Variants in NAV1 observed in about 807,000 individuals in gnomAD.
NAV1 encodes the protein pore membrane and/or filament interacting like protein 3.
In NAV1, 18 loss-of-function variants were observed where a neutral mutation model predicts 175.2. The observed-to-expected ratio is 0.10, with a 90% CI of 0.07 to 0.15. The LOEUF (loss-of-function observed/expected upper bound fraction) is 0.15, where lower values mean the gene tolerates loss of function less well. NAV1 is among the 10% of genes least tolerant of loss of function. The pLI is 1.00. For missense variants in NAV1, 1,731 were observed against 2,436.6 expected (o/e 0.71, Z 6.10); for synonymous variants, 897 against 978.7 (o/e 0.92, Z 1.56).
intron 3 of NAV1, among the ~76,000 whole-genome samples, chr1:201,772,857 C>A (rs1318797260): frequency 1.3e-5 from 2 of 151,956 alleles, no homozygotes; most frequent in Non-Finnish European, 2.9e-5. Context: ...CACGGTGAAA[C>A]CCCGTCTCTA....
intron 20 of NAV1, 145 bp from the exon 25 acceptor site, chr1:201,809,019 C>T (rs1678511237): frequency 1.6e-6 from 2 of 1,274,396 alleles, no homozygotes; most frequent in Admixed American, 3.9e-5. Flanking sequence ...TTGTAATGGT[C>T]CTTCAACCTT....
At chr1:201,685,017 C>T (rs965103174) in intron 1 of NAV1, among the ~76,000 whole-genome samples, 1 of 149,820 alleles carries the variant, frequency 6.7e-6, no homozygotes, top group African/African-American at 2.5e-5. Flanking sequence ...TGGCTTATGC[C>T]TGTAATCCCA....
intron 7 of NAV1, among the ~76,000 whole-genome samples, chr1:201,784,506 C>T (rs973254239): frequency 6.6e-6 from 1 of 151,906 alleles, no homozygotes; most frequent in African/African-American, 2.4e-5. Flanking sequence ...CCCTCCCTTC[C>T]CCCTATATGC....
chr1:201,613,336 C>T (rs1007778852), intron 2 of NAV1, among the ~76,000 whole-genome samples: 5 of 152,080 alleles, frequency 3.3e-5, no homozygotes, highest in Admixed American at 6.6e-5. Context: ...ATGGACTGTC[C>T]TATTTGTACT....
At chr1:201,584,674 T>C (rs1666973940) in intron 1 of NAV1, among the ~76,000 whole-genome samples, 1 of 152,106 alleles carries the variant, frequency 6.6e-6, no homozygotes, top group Non-Finnish European at 1.5e-5. Context: ...GTTTCTAGAA[T>C]CTCCTCTGAA....
Position 201,694,079 on chromosome 1 carries a change from T to A in NAV1, c.758-18738T>A, listed in dbSNP as rs1671081332. Among the ~76,000 whole-genome samples, 1 of 152,122 alleles carries A rather than the reference T, an allele frequency of 6.6e-6. No individual in the cohort carries two copies. ...GGAGGGGACACACACAGACATCAATTCAGTCAAGACTCTGCTCACGCCTGT... is the reference window on the plus strand; with the variant it reads ...GGAGGGGACACACACAGACATCAATACAGTCAAGACTCTGCTCACGCCTGT... On this transcript the variant is annotated intron_variant, in intron 1 of 29. Coordinates refer to ENST00000367296, the Ensembl canonical transcript of NAV1. The surrounding 1 kb of genome is among the most constrained non-coding windows in gnomAD (Gnocchi z 4.2).
intron 1 of NAV1, among the ~76,000 whole-genome samples, chr1:201,685,793 C>A (rs1571883513): frequency 6.6e-6 from 1 of 152,182 alleles, no homozygotes; most frequent in African/African-American, 2.4e-5. Context: ...AGTGGCAGAG[C>A]AAGTAGAAGA....
At chr1:201,583,176 C>A (rs898628537) in intron 1 of NAV1, among the ~76,000 whole-genome samples, 2 of 152,278 alleles carry the variant, frequency 1.3e-5, no homozygotes, top group Non-Finnish European at 2.9e-5. Context: ...AGCCTCCTCC[C>A]TGCCTGGCTG....
exon 7 of NAV1, chr1:201,783,687 G>T (rs1052813697): frequency 6.2e-7 from 1 of 1,614,068 alleles, no homozygotes; most frequent in African/African-American, 1.3e-5. Flanking sequence ...AAACTCTCAG[G>T]CCTGCACAGG....
At chr1:201,635,733 T>C (rs1359137369) in intron 2 of NAV1, among the ~76,000 whole-genome samples, 1 of 152,224 alleles carries the variant, frequency 6.6e-6, no homozygotes, top group Non-Finnish European at 1.5e-5. Flanking sequence ...GTCCTTGACT[T>C]GGCAGCCTCT....
chr1:201,569,279 C>A (rs942373622), intron 1 of NAV1, among the ~76,000 whole-genome samples: 4 of 152,196 alleles, frequency 2.6e-5, no homozygotes, highest in Non-Finnish European at 5.9e-5. Flanking sequence ...CTGGCCACCT[C>A]CTGGTAGGCA....
At chr1:201,665,170 A>T (rs1340603812) in intron 1 of NAV1, among the ~76,000 whole-genome samples, 6 of 132,988 alleles carry the variant, frequency 4.5e-5, no homozygotes, top group Non-Finnish European at 4.8e-5. Flanking sequence ...CTCCCCCCGC[A>T]CCCTGCCCCA....
upstream of NAV1, among the ~76,000 whole-genome samples, chr1:201,645,841 C>G (rs137920298): frequency 3.5e-4 from 53 of 152,138 alleles, no homozygotes; most frequent in African/African-American, 1.3e-3. Flanking sequence ...TAGGTGTTGT[C>G]GGATTCTCAA....
At chr1:201,632,556 A>G (rs988060593) in intron 2 of NAV1, among the ~76,000 whole-genome samples, 9 of 152,238 alleles carry the variant, frequency 5.9e-5, no homozygotes, top group Non-Finnish European at 7.3e-5. Context: ...GCGTGCCCAC[A>G]TGTGTGAGGC....
intron 14 of NAV1, 60 bp downstream of exon 18, chr1:201,793,935 A>C: frequency 7.0e-7 from 1 of 1,425,958 alleles, no homozygotes; most frequent in Middle Eastern, 2.0e-4. Context: ...TCCTGGACAG[A>C]GAGGCCGAAG....
exon 30 of NAV1, chr1:201,826,047 T>A (rs1272560488): frequency 6.6e-6 from 1 of 152,244 alleles, no homozygotes; most frequent in African/African-American, 2.4e-5. Context: ...ATGGAGGAGA[T>A]GAGGCTGTTT....
In NAV1 at chr1:201,604,088, G is replaced by A. The variant is rs559146281; in HGVS notation, c.-33+15439G>A. On this transcript the variant is annotated intron_variant, in intron 2 of 33. Coordinates refer to the NAV1 transcript ENST00000685211. ...TTTATTTATTTTGAGATAGGGTCTC[G>A]CTTTGTCACCAGGCTGGAGTGCAGT... 1.3e-4 allele frequency among the ~76,000 whole-genome samples: 20 copies of A among 152,226 alleles called. No individual in the cohort carries two copies. The East Asian group carries it at 1.7e-3, about 13-fold the overall frequency.
chr1:201,645,479 C>T (rs1668946573), upstream of NAV1, among the ~76,000 whole-genome samples: 1 of 151,616 alleles, frequency 6.6e-6, no homozygotes, highest in Non-Finnish European at 1.5e-5. Context: ...TGCAGCACAC[C>T]AACATGGCAC....
upstream of NAV1, chr1:201,622,916 G>T: frequency 2.0e-6 from 2 of 986,270 alleles, no homozygotes; most frequent in Non-Finnish European, 2.4e-6. Context: ...AATCCCGCCA[G>T]CCGCCCTCAC....
Sources: allele counts gnomAD v4.1 joint callset (sites outside exome capture counted in the v4.1 genomes callset), GRCh38; gene constraint gnomAD v4.1.1; non-coding constraint Gnocchi (gnomAD v3.1); transcripts MANE v1.5; gene names NCBI Gene and HGNC (gene_info 2026-07-23, HGNC 2026-07-21).